Variants in FAM13C observed in about 807,000 individuals in gnomAD.
FAM13C encodes the protein family with sequence similarity 13 member C.
FAM13C carries 37 observed loss-of-function variants against 73.2 expected under a neutral mutation model. That is an observed-to-expected ratio of 0.51 (90% CI 0.39 to 0.67). FAM13C has a LOEUF of 0.67. Ranked by LOEUF, FAM13C falls within the 30% of genes least tolerant of loss-of-function variation. The pLI, the probability that FAM13C is intolerant of heterozygous loss-of-function variation, is 0.00. For missense variants in FAM13C, 589 were observed against 715.6 expected (o/e 0.82, Z 2.02); for synonymous variants, 246 against 260.9 (o/e 0.94, Z 0.55).
chr10:59,300,003 T>C (rs1464759458), intron 5 of FAM13C, among the ~76,000 whole-genome samples: 1 of 152,092 alleles, frequency 6.6e-6, no homozygotes, highest in African/African-American at 2.4e-5. Flanking sequence ...CTGGCAGGTG[T>C]CAAATCTATA....
intron 5 of FAM13C, among the ~76,000 whole-genome samples, chr10:59,285,724 G>A (rs1056990192): frequency 6.6e-5 from 10 of 152,150 alleles, no homozygotes; most frequent in African/African-American, 1.4e-4. Flanking sequence ...TTTATACATT[G>A]AAGCCCTAAG....
chr10:59,269,597 T>C (rs1427606550), intron 7 of FAM13C, among the ~76,000 whole-genome samples: 1 of 152,244 alleles, frequency 6.6e-6, no homozygotes, highest in Non-Finnish European at 1.5e-5. Context: ...TCAAGAATGA[T>C]ATGTCTGATA....
chr10:59,333,984 T>C (rs1017679712), intron 3 of FAM13C, among the ~76,000 whole-genome samples: 3 of 152,192 alleles, frequency 2.0e-5, no homozygotes, highest in Non-Finnish European at 2.9e-5. Flanking sequence ...ATCATGTCAT[T>C]CCAGCATTCC....
chr10:59,350,955 T>A (rs568879987), intron 3 of FAM13C, among the ~76,000 whole-genome samples: 23 of 152,308 alleles, frequency 1.5e-4, no homozygotes, highest in African/African-American at 5.5e-4. Flanking sequence ...CCCAAAAATA[T>A]GTTAGGTGCA....
intron 3 of FAM13C, among the ~76,000 whole-genome samples, chr10:59,342,542 T>A (rs978814269): frequency 3.9e-5 from 6 of 152,148 alleles, no homozygotes; most frequent in African/African-American, 1.4e-4. Flanking sequence ...AGATAATGAA[T>A]TTATGTTTAG....
chr10:59,346,592 A>G (rs1307540727), intron 3 of FAM13C, among the ~76,000 whole-genome samples: 1 of 152,188 alleles, frequency 6.6e-6, no homozygotes, highest in Non-Finnish European at 1.5e-5. Flanking sequence ...AGGGGAGGGC[A>G]GCAGGACAGT....
chr10:59,270,120 G>A lies in FAM13C; in HGVS notation c.593-11C>T, dbSNP rs747740196. ...GGACTGGTGAGGGGTCTGGGCAAATGAGACAAATCATCAAGACTTAGAAGT... is the reference window on the plus strand; with the variant it reads ...GGACTGGTGAGGGGTCTGGGCAAATAAGACAAATCATCAAGACTTAGAAGT... On this transcript the variant is annotated splice_polypyrimidine_tract_variant and intron_variant, in intron 6 of 13. Transcript: ENST00000618804. 7 of 1,610,548 alleles carry A rather than the reference G, an allele frequency of 4.3e-6. No homozygotes were observed. The South Asian group carries it at 6.6e-5, about 15-fold the overall frequency.
intron 8 of FAM13C, among the ~76,000 whole-genome samples, chr10:59,265,836 C>G (rs553687228): frequency 6.6e-6 from 1 of 152,300 alleles, no homozygotes; most frequent in South Asian, 2.1e-4. Flanking sequence ...TGGCAGCTCT[C>G]AAATCACATG....
chr10:59,286,099 T>A (rs1845523365), intron 5 of FAM13C, among the ~76,000 whole-genome samples: 1 of 152,202 alleles, frequency 6.6e-6, no homozygotes. Context: ...AGGAAGGAAT[T>A]CTGACACAGC....
chr10:59,272,893 T>C (rs865864540), intron 6 of FAM13C, among the ~76,000 whole-genome samples: 10 of 152,336 alleles, frequency 6.6e-5, no homozygotes, highest in Non-Finnish European at 1.5e-4. Context: ...ACTACGTTTT[T>C]TCCTATATAT....
chr10:59,311,327 A>G (rs1251970547), intron 4 of FAM13C, among the ~76,000 whole-genome samples: 2 of 152,208 alleles, frequency 1.3e-5, no homozygotes, highest in East Asian at 3.9e-4. Context: ...CACATTTTGG[A>G]TGGAATATTG....
chr10:59,359,936 T>C (rs1010103987), intron 1 of FAM13C, among the ~76,000 whole-genome samples: 11 of 152,180 alleles, frequency 7.2e-5, no homozygotes, highest in South Asian at 2.1e-4. Flanking sequence ...AATGTCACGA[T>C]TGACCATGGA....
At chr10:59,307,870 T>C (rs1848444588) in intron 4 of FAM13C, among the ~76,000 whole-genome samples, 1 of 152,142 alleles carries the variant, frequency 6.6e-6, no homozygotes, top group African/African-American at 2.4e-5. Context: ...CTGAAAAAGA[T>C]AAAGGTCATA....
chr10:59,328,576 C>A (rs1851498731), intron 3 of FAM13C, among the ~76,000 whole-genome samples: 1 of 152,158 alleles, frequency 6.6e-6, no homozygotes, highest in Non-Finnish European at 1.5e-5. Context: ...GTCTGAAAGT[C>A]AGAAATGTAT....
chr10:59,281,199 T>G (rs1844883855), intron 6 of FAM13C, among the ~76,000 whole-genome samples: 1 of 152,170 alleles, frequency 6.6e-6, no homozygotes, highest in African/African-American at 2.4e-5. Context: ...AGGACTAACA[T>G]GAAAAAACTT....
chr10:59,327,575 C>CCCCCA (rs1554834266), intron 3 of FAM13C: 10 of 142,430 alleles, frequency 7.0e-5, no homozygotes, highest in Non-Finnish European at 9.1e-5. Flanking sequence ...ACCCCCCCAC[C>CCCCCA]AAAAAAGGTG....
intron 2 of FAM13C, 35 bp from the exon 3 acceptor site, chr10:59,352,509 T>A: frequency 6.5e-7 from 1 of 1,533,952 alleles, no homozygotes; most frequent in Admixed American, 2.1e-5. Flanking sequence ...GAAAGTACCT[T>A]AAAAAAAGAT....
Position 59,327,044 on chromosome 10 carries a change from C to T in FAM13C, c.325-2938G>A, listed in dbSNP as rs59493248. Among the ~76,000 whole-genome samples the T allele has an allele frequency of 1.5e-3, 228 of 152,078 alleles. 4 individuals are homozygous for T. The East Asian group carries it at 0.036, about 24-fold the overall frequency. ...AAATGCATCCATCAATTTTAAGAAACGTTCAAAAATGAGAAAGGTGAAATT... is the reference window on the plus strand; with the variant it reads ...AAATGCATCCATCAATTTTAAGAAATGTTCAAAAATGAGAAAGGTGAAATT... On this transcript the variant is annotated intron_variant, in intron 3 of 13. Coordinates refer to ENST00000618804, the MANE Select transcript of FAM13C (RefSeq NM_198215.4).
At chr10:59,286,015 G>C (rs983920932) in intron 5 of FAM13C, among the ~76,000 whole-genome samples, 1 of 152,204 alleles carries the variant, frequency 6.6e-6, no homozygotes, top group Non-Finnish European at 1.5e-5. Context: ...CACAGCCCAA[G>C]TGTCCATGAG....
Sources: gnomAD v4.1 joint callset for allele counts (sites outside exome capture counted in the v4.1 genomes callset) on GRCh38, gnomAD v4.1.1 for gene constraint, MANE v1.5 for transcripts, NCBI Gene and HGNC (gene_info 2026-07-23, HGNC 2026-07-21) for gene names.